PATJ: variants seen among roughly 807,000 people sequenced by gnomAD.
The protein encoded by PATJ is PATJ crumbs cell polarity complex component, also known as inaD-like protein.
PATJ carries 190 observed loss-of-function variants against 224.9 expected under a neutral mutation model. The ratio of observed to expected loss-of-function variants is 0.84; its 90% confidence interval spans 0.75 to 0.95. The LOEUF is 0.95. Among genes scored for constraint, PATJ ranks in the 40% least tolerant of loss-of-function variants. The probability of loss-of-function intolerance (pLI) is 0.00; values close to 1 mark genes in which losing one functional copy is unlikely to be tolerated. For synonymous variants in PATJ, 769 were observed against 820.3 expected, an observed-to-expected ratio of 0.94 and a Z score of 1.07; for missense variants, 2,121 against 2,270.3, an observed-to-expected ratio of 0.93 and a Z score of 1.34.
chr1:62,025,623 C>T (rs1647712308), intron 29 of PATJ, among the ~76,000 whole-genome samples: 1 of 152,172 alleles, frequency 6.6e-6, no homozygotes, highest in South Asian at 2.1e-4. Flanking sequence ...GAGTTCGAGA[C>T]CAGCTTGGCC....
chr1:62,135,835 C>G (rs1474391531), intron 41 of PATJ, among the ~76,000 whole-genome samples: 1 of 152,052 alleles, frequency 6.6e-6, no homozygotes, highest in Non-Finnish European at 1.5e-5. Context: ...TTATTACTTT[C>G]ATTGTACTAA....
At chr1:61,774,701 T>A (rs1646819073) in intron 6 of PATJ, among the ~76,000 whole-genome samples, 2 of 152,224 alleles carry the variant, frequency 1.3e-5, no homozygotes. Flanking sequence ...GCCCTTATAT[T>A]TTCTTTTTGC....
chr1:61,957,115 A>G (rs908512351), intron 27 of PATJ, among the ~76,000 whole-genome samples: 2 of 152,216 alleles, frequency 1.3e-5, no homozygotes, highest in Non-Finnish European at 2.9e-5. Context: ...GTAACTGTAG[A>G]TGTTTAATAA....
intron 25 of PATJ, among the ~76,000 whole-genome samples, chr1:61,913,979 G>A (rs2482857): frequency 0.81 from 122,657 of 152,224 alleles, 49,911 homozygotes; most frequent in East Asian, 1. Context: ...CTGGATCTAC[G>A]TACAGAAACC....
chr1:61,879,856 TTAGA>T (rs1219223346), intron 21 of PATJ, among the ~76,000 whole-genome samples: 1 of 152,004 alleles, frequency 6.6e-6, no homozygotes, highest in East Asian at 1.9e-4. Context: ...CTTTTTCTTT[TTAGA>T]TAGAGTCTCA....
chr1:62,009,881 G>A (rs1238068775), intron 28 of PATJ, among the ~76,000 whole-genome samples: 3 of 151,810 alleles, frequency 2.0e-5, no homozygotes, highest in African/African-American at 7.3e-5. Context: ...TCAGGGGTTC[G>A]AGACCAGCCT....
intron 26 of PATJ, 115 bp from the exon 27 acceptor site, chr1:61,927,615 A>G (rs1190611543): frequency 4.7e-6 from 3 of 635,440 alleles, no homozygotes; most frequent in South Asian, 2.1e-5. Flanking sequence ...CATGATATGA[A>G]TGAAGTTGGG....
rs1270325940 is a variant in PATJ at position 62,086,052 on chromosome 1, G to T, written c.4377+1404G>T. 6.6e-6 allele frequency among the ~76,000 whole-genome samples: 1 copy of T among 152,006 alleles called. No individual in the cohort carries two copies. Among genetic ancestry groups the T allele is most frequent in the Non-Finnish European group, 1.5e-5 (1 of 67,996 alleles). On this transcript the variant is annotated intron_variant, in intron 33 of 43. Coordinates refer to ENST00000642238, the MANE Select transcript of PATJ (RefSeq NM_001350145.3). This position sits in a 1 kb window ranked among gnomAD's most constrained non-coding sequence, Gnocchi z 4.0. ...TGGTTTTGAACTCCTAGGCTCAAGCGATCCTCCTACCTTAGCCTCCCAAAA... is the reference window on the plus strand; with the variant it reads ...TGGTTTTGAACTCCTAGGCTCAAGCTATCCTCCTACCTTAGCCTCCCAAAA...
intron 23 of PATJ, among the ~76,000 whole-genome samples, chr1:61,900,159 G>T (rs1670925527): frequency 6.6e-6 from 1 of 152,182 alleles, no homozygotes; most frequent in Non-Finnish European, 1.5e-5. Flanking sequence ...CACCAGGGCT[G>T]CACTTTAAGA....
chr1:62,004,789 GAA>G (rs1426601760), intron 28 of PATJ, among the ~76,000 whole-genome samples: 2 of 152,172 alleles, frequency 1.3e-5, no homozygotes, highest in African/African-American at 4.8e-5. Context: ...AAAACAAACT[GAA>G]AATCACCTTA....
At chr1:61,791,545 T>G (rs1411915942) in intron 9 of PATJ, 98 bp downstream of exon 9, 2 of 751,026 alleles carry the variant, frequency 2.7e-6, no homozygotes, top group Non-Finnish European at 4.4e-6. Context: ...ATTTAAATCT[T>G]GAACAATAAA....
At chr1:61,875,748 AAG>A (rs1209394354) in intron 21 of PATJ, among the ~76,000 whole-genome samples, 5 of 152,202 alleles carry the variant, frequency 3.3e-5, no homozygotes, top group African/African-American at 4.8e-5. Context: ...AATATTAATA[AAG>A]AGAGGCATAT....
At chr1:61,894,355 A>G (rs1168515344) in intron 22 of PATJ, among the ~76,000 whole-genome samples, 1 of 152,196 alleles carries the variant, frequency 6.6e-6, no homozygotes, top group East Asian at 1.9e-4. Context: ...AAGACAAGGT[A>G]CAATCTGATA....
chr1:61,881,235 A>T (rs1460893202), intron 21 of PATJ, among the ~76,000 whole-genome samples: 1 of 152,176 alleles, frequency 6.6e-6, no homozygotes, highest in South Asian at 2.1e-4. Flanking sequence ...AAAACAGCTC[A>T]GTGCAGAGTG....
rs1665092531 is a variant in PATJ, at chr1:61,864,434, A to G, written c.2636A>G (p.Tyr879Cys). ...EILVDEEYEL[Y>C]QDPSPSMELY... The stretch of plus-strand genomic sequence containing the variant: ...CTTGTTGATGAAGAATATGAGTTAT[A>G]TCAAGATCCCTCACCATCCATGGAG... Residue 879 changes from tyrosine to cysteine, a missense_variant, in exon 20 of 44, where the codon TAT becomes TGT. Tyr to Cys is a radical substitution (Grantham distance 194). Transcript: ENST00000642238. 1.2e-6 allele frequency: 2 copies of G among 1,613,692 alleles called. No homozygotes were observed. The highest frequency in any genetic ancestry group is 1.3e-5 in the African/African-American group (1 of 75,038).
chr1:61,868,895 A>G (rs72674692), intron 20 of PATJ, among the ~76,000 whole-genome samples: 6,114 of 152,244 alleles, frequency 0.04, 184 homozygotes, highest in Non-Finnish European at 0.058. Context: ...TTAAACTGAC[A>G]TAAGGCATTA....
chr1:61,757,405 G>T (rs950531748), intron 1 of PATJ, among the ~76,000 whole-genome samples: 1 of 151,702 alleles, frequency 6.6e-6, no homozygotes, highest in African/African-American at 2.4e-5. Context: ...TGTTTTTTGA[G>T]ACAGGGTCTC....
At chr1:61,775,724 A>G (rs1570416390) in intron 7 of PATJ, among the ~76,000 whole-genome samples, 1 of 152,312 alleles carries the variant, frequency 6.6e-6, no homozygotes, top group Admixed American at 6.5e-5. Context: ...AATATTATAC[A>G]TGGTAAATTT....
At chr1:61,815,276 A>T (rs1655874792) in intron 14 of PATJ, among the ~76,000 whole-genome samples, 1 of 152,188 alleles carries the variant, frequency 6.6e-6, no homozygotes, top group Non-Finnish European at 1.5e-5. Flanking sequence ...GTCTGGGTCA[A>T]ACTAAGTGAA....
Sources: allele counts gnomAD v4.1 joint callset (sites outside exome capture counted in the v4.1 genomes callset), GRCh38; gene constraint gnomAD v4.1.1; non-coding constraint Gnocchi (gnomAD v3.1); transcripts MANE v1.5; gene names NCBI Gene and HGNC (gene_info 2026-07-23, HGNC 2026-07-21).